Variants in PODXL observed in about 807,000 individuals in gnomAD.
PODXL encodes the protein podocalyxin.
PODXL carries 20 observed loss-of-function variants against 48.9 expected under a neutral mutation model. The ratio of observed to expected loss-of-function variants is 0.41; its 90% CI spans 0.29 to 0.59. The LOEUF (loss-of-function observed/expected upper bound fraction) is 0.59. Among genes scored for constraint, PODXL ranks in the 20% least tolerant of loss-of-function variants. The pLI is 0.31. For synonymous variants in PODXL, 295 were observed against 287.4 expected, an observed-to-expected ratio of 1.03 and a Z score of -0.27; for missense variants, 606 against 675.1, an observed-to-expected ratio of 0.90 and a Z score of 1.13.
chr7:131,540,709 C>T (rs75215844), intron 1 of PODXL, among the ~76,000 whole-genome samples: 6,198 of 152,236 alleles, frequency 0.041, 401 homozygotes, highest in African/African-American at 0.14. Flanking sequence ...ACGCCACCTC[C>T]GGCCTCCTGC....
intron 1 of PODXL, among the ~76,000 whole-genome samples, chr7:131,530,562 T>C (rs1346448312): frequency 1.3e-5 from 2 of 151,156 alleles, no homozygotes; most frequent in African/African-American, 2.4e-5. Flanking sequence ...CTGGGCAACA[T>C]AGCAAGACCT....
At position 131,504,407 on chromosome 7, in the gene PODXL, C is replaced by T; in HGVS notation, c.1581G>A (p.Val527=). ...ETSSEMQEKK[V]VSLNGELGDS... is the part of the protein sequence containing the mutation. The stretch of plus-strand genomic sequence containing the variant: ...CCCCCAGCTCCCCGTTGAGGCTGAC[C>T]ACCTTCTTCTCCTGCATCTCAGAAG... Residue 527 remains valine (V), a synonymous_variant, in exon 9 of 9, where the codon GTG becomes GTA. Transcript: ENST00000378555. 1 of 1,614,208 alleles carries T rather than the reference C, an allele frequency of 6.2e-7. No homozygotes were observed. The highest frequency in any genetic ancestry group is 8.5e-7 in the Non-Finnish European group (1 of 1,180,016).
At chr7:131,550,715 T>G (rs1798654909) in intron 1 of PODXL, among the ~76,000 whole-genome samples, 1 of 152,140 alleles carries the variant, frequency 6.6e-6, no homozygotes, top group African/African-American at 2.4e-5. Context: ...GAATCAGCAC[T>G]GAAAGGGCTG....
intron 1 of PODXL, chr7:131,520,187 C>T (rs1050327957): frequency 6.6e-6 from 2 of 304,460 alleles, no homozygotes; most frequent in South Asian, 3.6e-5. Flanking sequence ...CTACCATCAA[C>T]GAGGTGGTGA....
intron 1 of PODXL, among the ~76,000 whole-genome samples, chr7:131,532,162 G>C (rs941743643): frequency 9.4e-5 from 14 of 149,516 alleles, no homozygotes; most frequent in Non-Finnish European, 1.9e-4. Flanking sequence ...GTGGCCGGGC[G>C]TGGTGGCTCA....
intron 1 of PODXL, among the ~76,000 whole-genome samples, chr7:131,530,720 T>C (rs749167638): frequency 1.6e-4 from 23 of 145,474 alleles, no homozygotes; most frequent in Middle Eastern, 3.6e-3. Context: ...ATCACACCAC[T>C]GCACTCCAGC....
intron 1 of PODXL, among the ~76,000 whole-genome samples, chr7:131,523,685 AAAAAAAAAAAAAAAAAAC>A: frequency 8.1e-6 from 1 of 123,494 alleles, no homozygotes; most frequent in South Asian, 2.6e-4. Context: ...TCTCAAAAAA[AAAAAAAAAAAAAAAAAAC>A]AAGAAAAGAA....
At chr7:131,544,810 G>A (rs1798546138) in intron 1 of PODXL, among the ~76,000 whole-genome samples, 1 of 152,152 alleles carries the variant, frequency 6.6e-6, no homozygotes, top group Non-Finnish European at 1.5e-5. Context: ...CAAGCTGGTG[G>A]CTTAACAAAC....
chr7:131,540,634 C>CAAATGT lies in PODXL; in HGVS notation c.100+15625_100+15626insACATTT, dbSNP rs1439634727. Among the ~76,000 whole-genome samples, 8 of 152,290 alleles carry CAAATGT rather than the reference C, an allele frequency of 5.3e-5. No individual in the cohort carries two copies. The South Asian group carries it at 1.0e-3, about 20-fold the overall frequency. On this transcript the variant is annotated intron_variant, in intron 1 of 8. Coordinates refer to ENST00000378555, the MANE Select transcript of PODXL (RefSeq NM_001018111.3). ...CCGGACATTTGGCACACAACTCTTC[C>CAAATGT]CCTAGCAGTAAGTTCAAAAACAACC...
chr7:131,509,515 G>A lies in PODXL; in HGVS notation c.873C>T (p.Ser291=). The A allele has an allele frequency of 6.2e-7, 1 of 1,610,556 alleles. No individual in the cohort carries two copies. Among genetic ancestry groups the A allele is most frequent in the South Asian group, 1.1e-5 (1 of 90,880 alleles). ...TCGTGGGCTGCACTGTCTCCTGGGA[G>A]GAAGGGGCCGTAGAGCTGGCTGGCA... is the stretch of plus-strand genomic sequence containing the variant. ...SQMPASSTAP[S]SQETVQPTSP... The change falls in exon 4 of 9, where the codon TCC becomes TCT. Residue 291 remains serine, a synonymous_variant. Transcript: ENST00000378555.
chr7:131,537,943 C>A (rs1178594637), intron 1 of PODXL, among the ~76,000 whole-genome samples: 3 of 152,180 alleles, frequency 2.0e-5, no homozygotes, highest in Admixed American at 1.3e-4. Flanking sequence ...TGTGCACATG[C>A]CACTATGTAT....
intron 1 of PODXL, among the ~76,000 whole-genome samples, chr7:131,546,057 T>C (rs954344880): frequency 6.6e-6 from 1 of 152,204 alleles, no homozygotes; most frequent in East Asian, 1.9e-4. Flanking sequence ...CTTTCTCTAG[T>C]TGTTGGACTG....
intron 1 of PODXL, among the ~76,000 whole-genome samples, chr7:131,543,947 C>CCCATCAGTCCCATGATG (rs1040980307): frequency 2.0e-5 from 3 of 152,310 alleles, no homozygotes; most frequent in African/African-American, 7.2e-5. Context: ...GCCACACACA[C>CCCATCAGTCCCATGATG]CCATCAGTCC....
intron 1 of PODXL, among the ~76,000 whole-genome samples, chr7:131,518,707 G>C (rs1325730764): frequency 6.6e-6 from 1 of 152,146 alleles, no homozygotes; most frequent in Non-Finnish European, 1.5e-5. Context: ...ATGGTCTGTG[G>C]GGTAATTGTG....
chr7:131,543,941 C>A (rs1197815143), intron 1 of PODXL, among the ~76,000 whole-genome samples: 1 of 152,184 alleles, frequency 6.6e-6, no homozygotes, highest in African/African-American at 2.4e-5. Context: ...TATGCAGCCA[C>A]ACACACCCAT....
intron 1 of PODXL, among the ~76,000 whole-genome samples, chr7:131,537,139 G>A (rs753235352): frequency 4.6e-5 from 7 of 151,658 alleles, no homozygotes; most frequent in Non-Finnish European, 7.4e-5. Flanking sequence ...GTATGTATGC[G>A]TAAATTAGTT....
At chr7:131,545,627 T>C (rs1278869066) in intron 1 of PODXL, among the ~76,000 whole-genome samples, 2 of 152,198 alleles carry the variant, frequency 1.3e-5, no homozygotes, top group African/African-American at 4.8e-5. Context: ...TCTAGATCGA[T>C]GTTCTACTAA....
intron 1 of PODXL, among the ~76,000 whole-genome samples, chr7:131,518,004 G>T (rs1798029843): frequency 6.6e-6 from 1 of 152,190 alleles, no homozygotes; most frequent in Non-Finnish European, 1.5e-5. Flanking sequence ...CTCCTGAAGT[G>T]CTGGGATTAC....
At chr7:131,550,503 G>A (rs939577085) in intron 1 of PODXL, among the ~76,000 whole-genome samples, 1 of 152,092 alleles carries the variant, frequency 6.6e-6, no homozygotes, top group African/African-American at 2.4e-5. Context: ...GAAATTAGCT[G>A]GGTGTGGTGG....
Sources: gnomAD v4.1 joint callset for allele counts (sites outside exome capture counted in the v4.1 genomes callset) on GRCh38, gnomAD v4.1.1 for gene constraint, MANE v1.5 for transcripts, NCBI Gene and HGNC (gene_info 2026-07-23, HGNC 2026-07-21) for gene names.